Variants in ZNF613 observed in about 807,000 individuals in gnomAD.
ZNF613 encodes the protein zinc finger protein 613.
Under a neutral mutation model 14.3 loss-of-function variants are expected in ZNF613, and 8 were observed. That is an observed-to-expected ratio of 0.56 (90% CI 0.33 to 1.01). ZNF613 has a LOEUF of 1.01. ZNF613 is among the 50% of genes least tolerant of loss of function. ZNF613 has a pLI of 0.03. For synonymous variants in ZNF613, 228 were observed against 254.5 expected, an observed-to-expected ratio of 0.90 and a Z score of 0.99; for missense variants, 656 against 741.9, an observed-to-expected ratio of 0.88 and a Z score of 1.35.
At chr19:51,931,924 A>C (rs1177374364) in intron 2 of ZNF613, among the ~76,000 whole-genome samples, 1 of 152,188 alleles carries the variant, frequency 6.6e-6, no homozygotes, top group Non-Finnish European at 1.5e-5. Flanking sequence ...ACAAAAGAGT[A>C]TATTTGGAAG....
At chr19:51,938,092 C>A (rs962547638) in intron 3 of ZNF613, among the ~76,000 whole-genome samples, 1 of 151,938 alleles carries the variant, frequency 6.6e-6, no homozygotes, top group Non-Finnish European at 1.5e-5. Context: ...TCCTCAGAGA[C>A]CTTTTTGGGA....
At chr19:51,936,864 C>T (rs2085309063) in intron 3 of ZNF613, among the ~76,000 whole-genome samples, 1 of 152,134 alleles carries the variant, frequency 6.6e-6, no homozygotes, top group Non-Finnish European at 1.5e-5. Flanking sequence ...AAATAACAAG[C>T]CTTGATTAGA....
intron 2 of ZNF613, among the ~76,000 whole-genome samples, chr19:51,932,701 G>C (rs1398171861): frequency 6.6e-6 from 1 of 151,174 alleles, no homozygotes; most frequent in Non-Finnish European, 1.5e-5. Flanking sequence ...TTTGAGACAG[G>C]GTCTCACTCT....
At position 51,945,465 on chromosome 19, in the gene ZNF613, G is replaced by T. The variant is rs201222151; in HGVS notation, c.1582G>T (p.Val528Phe). ...GKAFSHLSCL[V>F]YHKGMLHARE... ...AGCTTTCTCCCACTTGTCATGCCTT[G>T]TTTATCATAAGGGAATGCTGCATGC... Residue 528 changes from valine to phenylalanine, a missense_variant, in exon 6 of 6, where the codon GTT (valine) becomes TTT (phenylalanine). Val to Phe is a conservative substitution (Grantham distance 50). Coordinates refer to ENST00000293471, the MANE Select transcript of ZNF613 (RefSeq NM_001031721.4). The T allele has an allele frequency of 5.9e-5, 95 of 1,614,190 alleles. No individual in the cohort carries two copies.
At chr19:51,936,267 A>G (rs533842740) in intron 3 of ZNF613, 32 bp downstream of exon 3, 29 of 1,594,942 alleles carry the variant, frequency 1.8e-5, no homozygotes, top group Middle Eastern at 1.7e-4. Context: ...TCTTTCCTTC[A>G]TCACATGATT....
Position 51,945,300 on chromosome 19 carries a change from AACC to A in ZNF613, c.1422_1424del (p.His474del). The A allele has an allele frequency of 1.9e-6, 3 of 1,613,526 alleles. No individual in the cohort carries two copies. The highest frequency in any genetic ancestry group is 2.5e-6 in the Non-Finnish European group (3 of 1,179,818). ...CTGCTCACACAAGTCAGGTCTCATT[AACC>A]ACCAGAGAATTCACACAGGAGAGAA... On this transcript the variant is annotated inframe_deletion, in exon 6 of 6. Transcript: ENST00000293471.
Position 51,940,595 on chromosome 19 carries a change from G to A in ZNF613, c.143-22G>A, listed in dbSNP as rs368991224. On this transcript the variant is annotated intron_variant, in intron 4 of 5. Coordinates refer to ENST00000293471, the MANE Select transcript of ZNF613 (RefSeq NM_001031721.4). ...CAGCTCAATTCAATGAGCCTAAGTT[G>A]TGTATCATTTCCTATGAACAGGGTA... 51 of 1,602,616 alleles carry A rather than the reference G, an allele frequency of 3.2e-5. No homozygotes were observed. The African/African-American group carries it at 5.6e-4, about 18-fold the overall frequency.
intron 5 of ZNF613, 69 bp from the exon 6 acceptor site, chr19:51,944,050 T>C: frequency 7.2e-7 from 1 of 1,384,996 alleles, no homozygotes; most frequent in Non-Finnish European, 9.6e-7. Flanking sequence ...AGCCAGCCTG[T>C]ACAAGACTGT....
chr19:51,930,869 T>C (rs1357366385), intron 2 of ZNF613, among the ~76,000 whole-genome samples: 4 of 152,242 alleles, frequency 2.6e-5, no homozygotes, highest in Admixed American at 2.6e-4. Flanking sequence ...GCTGCACCAT[T>C]TAACATTTCC....
At chr19:51,933,730 CAA>C (rs2085285157) in intron 2 of ZNF613, among the ~76,000 whole-genome samples, 1 of 152,162 alleles carries the variant, frequency 6.6e-6, no homozygotes, top group Admixed American at 6.5e-5. Context: ...GGGGGTGGAG[CAA>C]AGACAGATAA....
At chr19:51,930,567 A>G (rs1276374520) in intron 2 of ZNF613, among the ~76,000 whole-genome samples, 1 of 152,174 alleles carries the variant, frequency 6.6e-6, no homozygotes, top group Non-Finnish European at 1.5e-5. Context: ...CAGCCAACAT[A>G]GTATAATGTT....
rs950152297 is a variant in ZNF613 at position 51,945,274 on chromosome 19, C to T, written c.1391C>T (p.Ser464Phe). 5.0e-6 allele frequency: 8 copies of T among 1,613,950 alleles called. No individual in the cohort carries two copies. The highest frequency in any genetic ancestry group is 1.3e-5 in the African/African-American group (1 of 74,890). Residue 464 changes from serine to phenylalanine, a missense_variant, in exon 6 of 6, where the codon TCC becomes TTC. Coordinates refer to ENST00000293471, the MANE Select transcript of ZNF613 (RefSeq NM_001031721.4). ...TTTGTATGTACTGAGTGTGGAAAAT[C>T]CTGCTCACACAAGTCAGGTCTCATT... The part of the protein sequence containing the change: ...TPFVCTECGK[S>F]CSHKSGLINH...
Position 51,943,727 on chromosome 19 carries a change from T to C in ZNF613, c.236-392T>C, listed in dbSNP as rs558075439. ...TTCAGAGTTTCAGGCATCCATGGTG[T>C]GGGGGGTGTCTTGGAACATATCGCC... On this transcript the variant is annotated intron_variant, in intron 5 of 5. Coordinates refer to ENST00000293471, the MANE Select transcript of ZNF613 (RefSeq NM_001031721.4). Among the ~76,000 whole-genome samples the C allele has an allele frequency of 6.6e-4, 100 of 152,234 alleles. 1 individual carries two copies. Among genetic ancestry groups the C allele is most frequent in the Middle Eastern group, 3.4e-3 (1 of 294 alleles).
At chr19:51,933,385 A>C (rs565936461) in intron 2 of ZNF613, among the ~76,000 whole-genome samples, 1 of 152,318 alleles carries the variant, frequency 6.6e-6, no homozygotes, top group East Asian at 1.9e-4. Flanking sequence ...GTGAATTCCA[A>C]AACAGGAAGG....
chr19:51,945,576 G>A lies in ZNF613; in HGVS notation c.1693G>A (p.Asp565Asn). 1 of 1,614,146 alleles carries A rather than the reference G, an allele frequency of 6.2e-7. No homozygotes were observed. The highest frequency in any genetic ancestry group is 8.5e-7 in the Non-Finnish European group (1 of 1,180,024). ...ATCACATACACGTGATCTCATACAG[G>A]ATAAAGACTCTGTTAACATGGTGAC... ...SLSHTRDLIQDKDSVNMVTLQ... is the reference protein window; with the variant it reads ...SLSHTRDLIQNKDSVNMVTLQ... The change falls in exon 6 of 6, where the codon GAT (aspartate) becomes AAT (asparagine). Residue 565 changes from aspartate (D) to asparagine (N), a missense_variant. Coordinates refer to ENST00000293471, the MANE Select transcript of ZNF613 (RefSeq NM_001031721.4).
chr19:51,932,290 G>T (rs575590972), intron 2 of ZNF613, among the ~76,000 whole-genome samples: 1 of 150,522 alleles, frequency 6.6e-6, no homozygotes, highest in East Asian at 1.9e-4. Flanking sequence ...TGGCCTTTTC[G>T]GCTCCCAACA....
At chr19:51,930,463 C>T (rs977811645) in intron 2 of ZNF613, among the ~76,000 whole-genome samples, 4 of 151,934 alleles carry the variant, frequency 2.6e-5, no homozygotes, top group Non-Finnish European at 4.4e-5. Context: ...GGTTTTGCCA[C>T]GTTGGCCAGG....
rs2085265182 is a variant in ZNF613 at position 51,931,642 on chromosome 19, T to G, written c.-194+1746T>G. The stretch of plus-strand genomic sequence containing the variant: ...AGAACTTCTGTAGGATGTATTTAAT[T>G]TTTTAAAATGAGGTAAAATTCACAA... On this transcript the variant is annotated intron_variant, in intron 2 of 5. Transcript: ENST00000293471. Among the ~76,000 whole-genome samples the G allele has an allele frequency of 2.6e-5, 4 of 152,208 alleles. No individual in the cohort carries two copies. In the South Asian group the frequency reaches 8.3e-4, roughly 32 times the overall value.
chr19:51,936,042 C>T lies in ZNF613; in HGVS notation c.-179C>T. On this transcript the variant is annotated 5_prime_UTR_variant, in exon 3 of 6. Transcript: ENST00000293471. ...TTACTCTTCAGCCCACAGGTCCTGACTTCAGGAGCAAGACACTTCAAGTGA... is the reference window on the plus strand; with the variant it reads ...TTACTCTTCAGCCCACAGGTCCTGATTTCAGGAGCAAGACACTTCAAGTGA... 1.9e-6 allele frequency: 1 copy of T among 530,534 alleles called. No homozygotes were observed. The highest frequency in any genetic ancestry group is 3.5e-5 in the South Asian group (1 of 28,322). 32.9% of individuals were successfully genotyped at this position (530,534 alleles called of 1,614,324 possible).
Sources: allele counts gnomAD v4.1 joint callset (sites outside exome capture counted in the v4.1 genomes callset), GRCh38; gene constraint gnomAD v4.1.1; transcripts MANE v1.5; gene names NCBI Gene and HGNC (gene_info 2026-07-23, HGNC 2026-07-21).